The following B3GALT1 variants were observed in gnomAD, a reference collection of about 807,000 sequenced individuals.
B3GALT1 encodes the protein UDP-Gal:betaGlcNAc beta 1,3-galactosyltransferase, polypeptide 1.
B3GALT1 carries 10 observed loss-of-function variants against 23.2 expected under a neutral mutation model. The observed-to-expected ratio is 0.43, with a 90% CI of 0.27 to 0.73. The LOEUF is 0.73. Among genes scored for constraint, B3GALT1 ranks in the 30% least tolerant of loss-of-function variants. B3GALT1 has a pLI of 0.21. For synonymous variants in B3GALT1, 156 were observed against 141.5 expected, an observed-to-expected ratio of 1.10 and a Z score of -0.73; for missense variants, 299 against 405.4, an observed-to-expected ratio of 0.74 and a Z score of 2.25.
chr2:167,836,843 A>G (rs956152468), intron 4 of B3GALT1, among the ~76,000 whole-genome samples: 1 of 152,242 alleles, frequency 6.6e-6, no homozygotes, highest in Non-Finnish European at 1.5e-5. Flanking sequence ...GAGAAACTCT[A>G]CAAGCCAGAA....
intron 3 of B3GALT1, among the ~76,000 whole-genome samples, chr2:167,654,219 C>T (rs1032728846): frequency 6.6e-6 from 1 of 152,116 alleles, no homozygotes; most frequent in African/African-American, 2.4e-5. Flanking sequence ...TGAGCTAATA[C>T]TCATAACACA....
chr2:167,557,212 A>G (rs552822157), intron 2 of B3GALT1, among the ~76,000 whole-genome samples: 1 of 151,996 alleles, frequency 6.6e-6, no homozygotes, highest in Non-Finnish European at 1.5e-5. Flanking sequence ...GGGTTGTGTG[A>G]TCAAAGACAT....
chr2:167,485,233 A>T (rs558593162), intron 1 of B3GALT1, among the ~76,000 whole-genome samples: 1 of 152,154 alleles, frequency 6.6e-6, no homozygotes, highest in East Asian at 1.9e-4. Context: ...TAATGCTATT[A>T]ATGTGTACAT....
chr2:167,717,949 C>A (rs1687176858), intron 3 of B3GALT1, among the ~76,000 whole-genome samples: 1 of 152,158 alleles, frequency 6.6e-6, no homozygotes, highest in Non-Finnish European at 1.5e-5. Flanking sequence ...CTAGTGAAAT[C>A]ATTTTAACAT....
At chr2:167,354,624 C>T (rs765087972) in intron 1 of B3GALT1, among the ~76,000 whole-genome samples, 1 of 152,130 alleles carries the variant, frequency 6.6e-6, no homozygotes, top group Non-Finnish European at 1.5e-5. Context: ...GGATTACAGG[C>T]GTGAGCCACT....
intron 2 of B3GALT1, among the ~76,000 whole-genome samples, chr2:167,608,067 A>G (rs1233298052): frequency 6.6e-6 from 1 of 152,214 alleles, no homozygotes; most frequent in Admixed American, 6.5e-5. Flanking sequence ...AGACAAAATT[A>G]TGAAAAGAAG....
intron 2 of B3GALT1, among the ~76,000 whole-genome samples, chr2:167,631,084 T>C (rs964194856): frequency 1.3e-5 from 2 of 151,930 alleles, no homozygotes; most frequent in Non-Finnish European, 2.9e-5. Context: ...ACCATATTCA[T>C]ATGTTGCTTT....
intron 3 of B3GALT1, among the ~76,000 whole-genome samples, chr2:167,680,299 C>T (rs949261106): frequency 6.6e-6 from 1 of 152,104 alleles, no homozygotes. Context: ...GGATTTGTTT[C>T]TACATTTCAG....
intron 1 of B3GALT1, among the ~76,000 whole-genome samples, chr2:167,353,792 C>CT (rs1176661401): frequency 6.6e-6 from 1 of 152,136 alleles, no homozygotes; most frequent in East Asian, 1.9e-4. Context: ...AAATACTTGC[C>CT]TAATAGGTGC....
chr2:167,322,911 T>C (rs1696834806), intron 1 of B3GALT1, among the ~76,000 whole-genome samples: 1 of 152,064 alleles, frequency 6.6e-6, no homozygotes, highest in Admixed American at 6.5e-5. Flanking sequence ...GCAGTTCTTT[T>C]TGATATTTGG....
intron 3 of B3GALT1, among the ~76,000 whole-genome samples, chr2:167,808,630 G>T (rs955876092): frequency 6.6e-6 from 1 of 151,630 alleles, no homozygotes; most frequent in African/African-American, 2.4e-5. Context: ...CTTCTGGCTT[G>T]TAGAGTTTCT....
intron 1 of B3GALT1, among the ~76,000 whole-genome samples, chr2:167,352,758 G>A (rs190380559): frequency 9.2e-5 from 14 of 151,974 alleles, no homozygotes; most frequent in African/African-American, 3.4e-4. Context: ...ACCAAGAACT[G>A]GAAGGACTGT....
intron 2 of B3GALT1, among the ~76,000 whole-genome samples, chr2:167,533,638 G>A (rs1272613012): frequency 6.6e-6 from 1 of 152,130 alleles, no homozygotes; most frequent in Non-Finnish European, 1.5e-5. Flanking sequence ...CATTATACAT[G>A]TAACTACCTA....
chr2:167,466,617 CAAAAAAA>C (rs1175269957), intron 1 of B3GALT1, among the ~76,000 whole-genome samples: 1 of 52,410 alleles, frequency 1.9e-5, no homozygotes, highest in Non-Finnish European at 3.6e-5. Flanking sequence ...AAGACTCTGT[CAAAAAAA>C]AAAAAAAAAA....
chr2:167,635,727 C>T (rs998749237), intron 2 of B3GALT1, among the ~76,000 whole-genome samples: 1 of 152,098 alleles, frequency 6.6e-6, no homozygotes, highest in Non-Finnish European at 1.5e-5. Context: ...ATTTCATGCT[C>T]ATGGATAGGA....
At chr2:167,475,226 C>T (rs1175928354) in intron 1 of B3GALT1, among the ~76,000 whole-genome samples, 1 of 152,092 alleles carries the variant, frequency 6.6e-6, no homozygotes. Flanking sequence ...CCATCTGGTA[C>T]CTGAACCCTC....
chr2:167,296,311 A>G (rs58013803), intron 1 of B3GALT1, among the ~76,000 whole-genome samples: 20,853 of 152,250 alleles, frequency 0.14, 1,649 homozygotes, highest in African/African-American at 0.23. Context: ...GATAGTCACG[A>G]TTAGTGTTTG....
intron 1 of B3GALT1, among the ~76,000 whole-genome samples, chr2:167,451,003 C>T (rs2105319956): frequency 6.6e-6 from 1 of 152,076 alleles, no homozygotes; most frequent in East Asian, 1.9e-4. Flanking sequence ...CTTTCCAGAA[C>T]ATTTTGCATT....
intron 3 of B3GALT1, among the ~76,000 whole-genome samples, chr2:167,733,535 T>C (rs898441456): frequency 7.9e-5 from 12 of 152,258 alleles, no homozygotes; most frequent in African/African-American, 2.9e-4. Context: ...CCTGAATAGT[T>C]TCTCACTTTC....
Sources: gnomAD v4.1 joint callset for allele counts (sites outside exome capture counted in the v4.1 genomes callset) on GRCh38, gnomAD v4.1.1 for gene constraint, MANE v1.5 for transcripts, NCBI Gene and HGNC (gene_info 2026-07-23, HGNC 2026-07-21) for gene names.